GALC: variants seen among roughly 807,000 people sequenced by gnomAD.
GALC encodes galactosylceramidase, also known as galactocerebrosidase.
In GALC, 77 loss-of-function variants were observed where a neutral mutation model predicts 91.8. That is an observed-to-expected ratio of 0.84 (90% CI 0.70 to 1.01). The LOEUF (loss-of-function observed/expected upper bound fraction) is 1.01, where lower values mean the gene tolerates loss of function less well. Ranked by LOEUF, GALC falls within the 50% of genes least tolerant of loss-of-function variation. The probability of loss-of-function intolerance (pLI) is 0.00; values close to 1 mark genes in which losing one functional copy is unlikely to be tolerated. For synonymous variants in GALC, 357 were observed against 306.7 expected, an observed-to-expected ratio of 1.16 and a Z score of -1.71; for missense variants, 882 against 855.9, an observed-to-expected ratio of 1.03 and a Z score of -0.38.
At chr14:87,939,614 G>C (rs934085827) in intron 16 of GALC, among the ~76,000 whole-genome samples, 6 of 151,494 alleles carry the variant, frequency 4.0e-5, no homozygotes, top group African/African-American at 1.5e-4. Flanking sequence ...AAGCAAACTT[G>C]AAAAAAATAG....
chr14:87,984,544 A>C lies in GALC; in HGVS notation c.443-11T>G. 6.2e-7 allele frequency: 1 copy of C among 1,614,072 alleles called. No individual in the cohort carries two copies. Among genetic ancestry groups the C allele is most frequent in the Non-Finnish European group, 8.5e-7 (1 of 1,179,972 alleles). ...ATGACCATGGCAACCCTGCAGAGAGAAGGGAGGAGGCAAAGGTAGAGGAGG... is the reference window on the plus strand; with the variant it reads ...ATGACCATGGCAACCCTGCAGAGAGCAGGGAGGAGGCAAAGGTAGAGGAGG... On this transcript the variant is annotated splice_polypyrimidine_tract_variant and intron_variant, in intron 4 of 16. Coordinates refer to ENST00000261304, the MANE Select transcript of GALC (RefSeq NM_000153.4).
At chr14:87,951,258 C>A (rs897984036) in intron 10 of GALC, among the ~76,000 whole-genome samples, 1 of 151,788 alleles carries the variant, frequency 6.6e-6, no homozygotes, top group Admixed American at 6.6e-5. Context: ...TCACTGTTTA[C>A]TAAATAGTCA....
At chr14:87,965,696 T>C in intron 8 of GALC, 67 bp from the exon 9 acceptor site, 1 of 1,540,352 alleles carries the variant, frequency 6.5e-7, no homozygotes, top group Non-Finnish European at 9.0e-7. Context: ...TCTAAAAACC[T>C]GGAGTAAAAA....
rs909979938 is a variant in GALC, at chr14:87,982,234, C to T, written c.592G>A (p.Glu198Lys). The part of the protein sequence containing the change: ...LDIDYIGIWN[E>K]RSYNANYIKI... Reference sequence around the variant, plus strand: ...ATATAATTGGCATTATATGACCTCTCATTCCAAATCTGCAAAACAAAAAGT... The same window carrying T: ...ATATAATTGGCATTATATGACCTCTTATTCCAAATCTGCAAAACAAAAAGT... The change falls in exon 6 of 17, where the codon GAG (glutamate) becomes AAG (lysine). Residue 198 changes from glutamate (E) to lysine (K), a missense_variant. Transcript: ENST00000261304. 8 of 1,582,844 alleles carry T rather than the reference C, an allele frequency of 5.1e-6. No homozygotes were observed. The highest frequency in any genetic ancestry group is 1.3e-5 in the African/African-American group (1 of 74,280).
At chr14:87,953,576 G>T in intron 10 of GALC, 1 of 1,609,582 alleles carries the variant, frequency 6.2e-7, no homozygotes, top group Non-Finnish European at 8.5e-7. Flanking sequence ...TGTAGCTCAG[G>T]AATACTGTGT....
chr14:87,936,914 T>TATATATA (rs60680373), intron 16 of GALC, among the ~76,000 whole-genome samples: 1,317 of 105,612 alleles, frequency 0.012, 136 homozygotes, highest in African/African-American at 0.041. Flanking sequence ...ATATATATAT[T>TATATATA]TATTTATTTT....
intron 1 of GALC, among the ~76,000 whole-genome samples, chr14:87,989,393 C>T (rs969150629): frequency 3.9e-5 from 6 of 152,158 alleles, no homozygotes; most frequent in Admixed American, 1.3e-4. Context: ...CTCTGTCACA[C>T]CCAAAACATC....
chr14:87,969,539 G>A (rs899303423), intron 7 of GALC, among the ~76,000 whole-genome samples: 1 of 152,248 alleles, frequency 6.6e-6, no homozygotes, highest in African/African-American at 2.4e-5. Flanking sequence ...AATCCAATAA[G>A]AGAGCACACT....
chr14:87,958,198 G>A (rs535609539), intron 10 of GALC, among the ~76,000 whole-genome samples: 5 of 152,018 alleles, frequency 3.3e-5, no homozygotes, highest in Non-Finnish European at 7.4e-5. Context: ...TATTGAGTTC[G>A]CAGCACGCAG....
At chr14:87,971,957 G>A (rs958959367) in intron 7 of GALC, among the ~76,000 whole-genome samples, 4 of 152,084 alleles carry the variant, frequency 2.6e-5, no homozygotes, top group South Asian at 4.1e-4. Flanking sequence ...GAAGAATGGG[G>A]CCCAGCAGAA....
Position 87,947,683 on chromosome 14 carries a change from T to C in GALC, c.1489+45A>G, listed in dbSNP as rs778097277. The C allele has an allele frequency of 7.6e-6, 12 of 1,572,160 alleles. No homozygotes were observed. The African/African-American group carries it at 1.4e-4, about 18-fold the overall frequency. On this transcript the variant is annotated intron_variant, in intron 13 of 16. Transcript: ENST00000261304. ...TGACAGGTAGAAATCAACACACTAC[T>C]GTTAAATATAGAGACCAAGTTAAGT...
Position 87,947,765 on chromosome 14 carries a change from C to T in GALC, c.1452G>A (p.Gln484=). The stretch of plus-strand genomic sequence containing the variant: ...CATCCTTATAGGTACTTGGGAAGGG[C>T]TGGGATTTTGGAGGAAGCGGGTAGC... The part of the protein sequence containing the change: ...KGSYPLPPKS[Q]PFPSTYKDDF... Residue 484 remains glutamine (Q), a synonymous_variant, in exon 13 of 17, where the codon CAG becomes CAA. Coordinates refer to ENST00000261304, the MANE Select transcript of GALC (RefSeq NM_000153.4). 1 of 1,612,900 alleles carries T rather than the reference C, an allele frequency of 6.2e-7. No individual in the cohort carries two copies. Among genetic ancestry groups the T allele is most frequent in the Non-Finnish European group, 8.5e-7 (1 of 1,179,272 alleles).
intron 10 of GALC, among the ~76,000 whole-genome samples, chr14:87,959,267 T>C (rs564010086): frequency 4.6e-5 from 7 of 152,060 alleles, no homozygotes; most frequent in East Asian, 3.9e-4. Context: ...AAAACCACAA[T>C]GGGATATCAC....
At chr14:87,983,689 T>C (rs1224141888) in intron 5 of GALC, among the ~76,000 whole-genome samples, 1 of 152,178 alleles carries the variant, frequency 6.6e-6, no homozygotes, top group Non-Finnish European at 1.5e-5. Context: ...GTTAAGGCCC[T>C]GTGGGGTACG....
intron 4 of GALC, 52 bp downstream of exon 4, chr14:87,986,437 T>C: frequency 8.8e-7 from 1 of 1,139,216 alleles, no homozygotes; most frequent in Admixed American, 1.8e-5. Context: ...ATTCAGAATT[T>C]AAAAGTTAAA....
chr14:87,986,744 T>A lies in GALC; in HGVS notation c.329-142A>T. On this transcript the variant is annotated intron_variant, in intron 3 of 16. Coordinates refer to ENST00000261304, the MANE Select transcript of GALC (RefSeq NM_000153.4). ...AATCCTGAAGTTGGGGAAATCATAA[T>A]CTTACACAACTAAAGGATGGATGAT... The A allele has an allele frequency of 1.8e-5, 12 of 671,356 alleles. No individual in the cohort carries two copies. In the South Asian group the frequency reaches 1.8e-4, roughly 10 times the overall value. 41.6% of individuals were successfully genotyped at this position (671,356 alleles called of 1,614,324 possible).
At chr14:87,955,538 ACATTCC>A (rs1885496748) in intron 10 of GALC, among the ~76,000 whole-genome samples, 1 of 150,888 alleles carries the variant, frequency 6.6e-6, no homozygotes, top group South Asian at 2.1e-4. Context: ...CACAGGGAAG[ACATTCC>A]CTCAGAAACT....
chr14:87,949,976 T>C, intron 11 of GALC, 45 bp from the exon 12 acceptor site: 1 of 964,286 alleles, frequency 1.0e-6, no homozygotes, highest in East Asian at 2.4e-5. Flanking sequence ...ATTCATCACA[T>C]CCTCTTTGAG....
Position 87,945,661 on chromosome 14 carries a change from T to C in GALC, c.1562A>G (p.Glu521Gly), listed in dbSNP as rs778349065. 2 of 1,612,126 alleles carry C rather than the reference T, an allele frequency of 1.2e-6. No homozygotes were observed. The highest frequency in any genetic ancestry group is 1.7e-6 in the Non-Finnish European group (2 of 1,178,562). Reference sequence around the variant, plus strand: ...CGTGAAGTGATGCTCGCCAGGGTCTTCAATATTTGTAAAATATTCAAATAC... The same window carrying C: ...CGTGAAGTGATGCTCGCCAGGGTCTCCAATATTTGTAAAATATTCAAATAC... ...TGVFEYFTNI[E>G]DPGEHHFTLR... Residue 521 changes from glutamate to glycine, a missense_variant, in exon 14 of 17, where the codon GAA (glutamate) becomes GGA (glycine). Physicochemically the swap from Glu to Gly is moderately conservative, Grantham distance 98 (BLOSUM62 -2). Transcript: ENST00000261304.
Sources: gnomAD v4.1 joint callset for allele counts (sites outside exome capture counted in the v4.1 genomes callset) on GRCh38, gnomAD v4.1.1 for gene constraint, MANE v1.5 for transcripts, NCBI Gene and HGNC (gene_info 2026-07-23, HGNC 2026-07-21) for gene names.